The following RNF214 variants were observed in gnomAD, a reference collection of about 807,000 sequenced individuals.
The protein encoded by RNF214 is ring finger protein 214.
A neutral mutation model predicts 75.9 loss-of-function variants in RNF214; 25 were observed. The observed-to-expected ratio is 0.33, with a 90% CI of 0.24 to 0.46. RNF214 has a LOEUF of 0.46. Ranked by LOEUF, RNF214 falls within the 20% of genes least tolerant of loss-of-function variation. The pLI is 1.00. For missense variants in RNF214, 725 were observed against 857.5 expected, an observed-to-expected ratio of 0.85 and a Z score of 1.93; for synonymous variants, 314 against 308.8, an observed-to-expected ratio of 1.02 and a Z score of -0.18.
intron 4 of RNF214, among the ~76,000 whole-genome samples, chr11:117,244,023 C>G (rs1362219215): frequency 6.6e-6 from 1 of 152,214 alleles, no homozygotes; most frequent in Non-Finnish European, 1.5e-5. Flanking sequence ...GCTCTGTCGC[C>G]TAGGCTAAAG....
intron 6 of RNF214, among the ~76,000 whole-genome samples, chr11:117,262,713 G>GTT (rs1289988708): frequency 4.0e-5 from 6 of 150,498 alleles, no homozygotes; most frequent in African/African-American, 1.5e-4. Flanking sequence ...AACGTTGTGT[G>GTT]TGTGTGTGTG....
intron 6 of RNF214, chr11:117,263,964 T>C (rs545327237): frequency 6.9e-4 from 121 of 175,710 alleles, no homozygotes; most frequent in African/African-American, 2.8e-3. Context: ...TTTAAAAAAA[T>C]GTTTTTCAGG....
At position 117,268,284 on chromosome 11, in the gene RNF214, A is replaced by G. The variant is rs188596117; in HGVS notation, c.960-11624A>G. ...TTCAGAGTTAGGCTCTTACCTTCCT[A>G]CTGGGAACTGGGAGATAGGGAAGCT... On this transcript the variant is annotated intron_variant, in intron 6 of 14. Transcript: ENST00000300650. 1.8e-3 allele frequency among the ~76,000 whole-genome samples: 281 copies of G among 152,338 alleles called. 1 individual carries two copies. The highest frequency in any genetic ancestry group is 3.4e-3 in the Middle Eastern group (1 of 294).
rs115093971 is a variant in RNF214 at position 117,238,532 on chromosome 11, A to G, written c.108-69A>G. 7.8e-4 allele frequency: 1,051 copies of G among 1,343,958 alleles called. 8 individuals carry two copies. In the African/African-American group the frequency reaches 0.014, roughly 18 times the overall value. 83.3% of individuals were successfully genotyped at this position (1,343,958 alleles called of 1,614,324 possible). On this transcript the variant is annotated intron_variant, in intron 2 of 14. Coordinates refer to ENST00000300650, the MANE Select transcript of RNF214 (RefSeq NM_207343.4). ...ATAGTCGGGAGGGTTTACGTAGTCTAGTTTTGTTCTTCTAGTAGTTAGGTT... is the reference window on the plus strand; with the variant it reads ...ATAGTCGGGAGGGTTTACGTAGTCTGGTTTTGTTCTTCTAGTAGTTAGGTT...
At chr11:117,257,728 G>A (rs1358833983) in intron 6 of RNF214, among the ~76,000 whole-genome samples, 2 of 152,030 alleles carry the variant, frequency 1.3e-5, no homozygotes, top group East Asian at 1.9e-4. Context: ...GAGAAAGAAA[G>A]GGAAATAGTT....
At chr11:117,271,369 A>G (rs369008375) in intron 6 of RNF214, among the ~76,000 whole-genome samples, 1 of 152,102 alleles carries the variant, frequency 6.6e-6, no homozygotes, top group Admixed American at 6.5e-5. Context: ...CTCTGTTTGC[A>G]TTTGCCGTCC....
intron 6 of RNF214, among the ~76,000 whole-genome samples, chr11:117,268,795 A>G (rs928226509): frequency 2.0e-5 from 3 of 152,210 alleles, no homozygotes; most frequent in Non-Finnish European, 4.4e-5. Context: ...CATCTTAACA[A>G]TATTGAGTCT....
At chr11:117,235,559 C>T (rs563808947) in intron 2 of RNF214, among the ~76,000 whole-genome samples, 5 of 136,828 alleles carry the variant, frequency 3.7e-5, no homozygotes, top group African/African-American at 1.4e-4. Flanking sequence ...AGTGCAATGG[C>T]GTGAACCCAG....
rs757059663 is a variant in RNF214 at position 117,238,915 on chromosome 11, C to T, written c.422C>T (p.Thr141Ile). The change falls in exon 3 of 15, where the codon ACT (threonine) becomes ATT (isoleucine). Residue 141 changes from threonine to isoleucine, a missense_variant. Physicochemically the swap from Thr to Ile is moderately conservative, Grantham distance 89. Around this residue, in one of 2 missense-constraint regions of RNF214, gnomAD observed 362 missense variants for 344.5 expected, o/e 1.05. Transcript: ENST00000300650. ...CGGTCTCTTAAGGCAGGGTGCCATACTAAGCAGCTTGCCTCCAGGAATTGC... is the reference window on the plus strand; with the variant it reads ...CGGTCTCTTAAGGCAGGGTGCCATATTAAGCAGCTTGCCTCCAGGAATTGC... Reference protein sequence around the residue: ...VTRSLKAGCHTKQLASRNCSE... With the variant: ...VTRSLKAGCHIKQLASRNCSE... 4 of 1,614,072 alleles carry T rather than the reference C, an allele frequency of 2.5e-6. No individual in the cohort carries two copies. Among genetic ancestry groups the T allele is most frequent in the Non-Finnish European group, 3.4e-6 (4 of 1,180,028 alleles).
At chr11:117,263,062 C>T (rs1274129841) in intron 6 of RNF214, among the ~76,000 whole-genome samples, 2 of 151,928 alleles carry the variant, frequency 1.3e-5, no homozygotes, top group Admixed American at 1.3e-4. Context: ...TTGCCTCAGC[C>T]TCCCAAAGTG....
At position 117,284,324 on chromosome 11, in the gene RNF214, T is replaced by G. The variant is rs540494643; in HGVS notation, c.2047-762T>G. ...TTTTTATGTTGCCAGCAGAGTTAAGTCTCTTAGTAGCAGGGATGATTCCCT... is the reference window on the plus strand; with the variant it reads ...TTTTTATGTTGCCAGCAGAGTTAAGGCTCTTAGTAGCAGGGATGATTCCCT... On this transcript the variant is annotated intron_variant, in intron 14 of 14. Transcript: ENST00000300650. 2.5e-4 allele frequency among the ~76,000 whole-genome samples: 38 copies of G among 152,308 alleles called. No homozygotes were observed. The East Asian group carries it at 7.1e-3, about 29-fold the overall frequency.
At chr11:117,268,852 A>G (rs755632208) in intron 6 of RNF214, among the ~76,000 whole-genome samples, 2 of 152,144 alleles carry the variant, frequency 1.3e-5, no homozygotes, top group African/African-American at 2.4e-5. Context: ...CTTGGCAATG[A>G]TTCATAAGTT....
At chr11:117,244,268 AC>A (rs2033154139) in intron 4 of RNF214, among the ~76,000 whole-genome samples, 176 bp from the exon 5 acceptor site, 1 of 152,192 alleles carries the variant, frequency 6.6e-6, no homozygotes, top group South Asian at 2.1e-4. Context: ...GGTGTGAGCC[AC>A]CATCCCCAGC....
At chr11:117,243,029 A>G (rs749895905) in intron 4 of RNF214, among the ~76,000 whole-genome samples, 4 of 152,264 alleles carry the variant, frequency 2.6e-5, no homozygotes, top group African/African-American at 9.6e-5. Context: ...GAAAGGTGTG[A>G]TGCTGAGTAA....
intron 6 of RNF214, 49 bp from the exon 7 acceptor site, chr11:117,279,859 C>G (rs1324154261): frequency 4.8e-6 from 7 of 1,459,978 alleles, no homozygotes; most frequent in Non-Finnish European, 6.6e-6. Flanking sequence ...TATCTCTCAA[C>G]AAGCTTATCT....
intron 6 of RNF214, among the ~76,000 whole-genome samples, chr11:117,267,604 C>T (rs2033823425): frequency 6.6e-6 from 1 of 151,916 alleles, no homozygotes; most frequent in Admixed American, 6.6e-5. Context: ...TAGTGCATGC[C>T]TGTGGTCCCA....
At chr11:117,269,413 G>C (rs1591835958) in intron 6 of RNF214, among the ~76,000 whole-genome samples, 1 of 152,180 alleles carries the variant, frequency 6.6e-6, no homozygotes, top group Non-Finnish European at 1.5e-5. Context: ...CCAGCCTGGA[G>C]TGCAGTGGCA....
chr11:117,282,215 G>A lies in RNF214; in HGVS notation c.1657G>A (p.Asp553Asn). The change falls in exon 11 of 15, where the codon GAC becomes AAC. Residue 553 changes from aspartate to asparagine, a missense_variant. Around this residue, in one of 2 missense-constraint regions of RNF214, gnomAD observed 363 missense variants for 513.0 expected, o/e 0.71. Transcript: ENST00000300650. ...TGAAACTCCCCGGCCCCAACCAGTA[G>A]ACAAACTGGAGAAGATCCTGGAGAA... Reference protein sequence around the residue: ...SAETPRPQPVDKLEKILEKLL... With the variant: ...SAETPRPQPVNKLEKILEKLL... 1.2e-6 allele frequency: 2 copies of A among 1,611,088 alleles called. No individual in the cohort carries two copies. Among genetic ancestry groups the A allele is most frequent in the Non-Finnish European group, 8.5e-7 (1 of 1,178,296 alleles).
chr11:117,235,218 T>C (rs373299675), intron 2 of RNF214, among the ~76,000 whole-genome samples: 1 of 152,186 alleles, frequency 6.6e-6, no homozygotes, highest in African/African-American at 2.4e-5. Context: ...TTTTTTGAGA[T>C]GGAGTCTCAC....
Sources: gnomAD v4.1 joint callset for allele counts (sites outside exome capture counted in the v4.1 genomes callset) on GRCh38, gnomAD v4.1.1 for gene constraint, gnomAD v4.1.1 regional missense constraint, MANE v1.5 for transcripts, NCBI Gene and HGNC (gene_info 2026-07-23, HGNC 2026-07-21) for gene names.